Variants in CERK observed in about 807,000 individuals in gnomAD.
CERK encodes the protein acylsphingosine kinase.
Under a neutral mutation model 63.4 loss-of-function variants are expected in CERK, and 39 were observed. The observed-to-expected ratio is 0.61, with a 90% CI of 0.48 to 0.80. CERK has a LOEUF of 0.80. Among genes scored for constraint, CERK ranks in the 30% least tolerant of loss-of-function variants. The probability of loss-of-function intolerance (pLI) is 0.00; values close to 1 mark genes in which losing one functional copy is unlikely to be tolerated. For missense variants in CERK, 670 were observed against 714.1 expected (o/e 0.94, Z 0.70); for synonymous variants, 302 against 280.0 (o/e 1.08, Z -0.78).
Position 46,699,459 on chromosome 22 carries a change from G to A in CERK, c.797C>T (p.Ser266Leu), listed in dbSNP as rs1401180229. The change falls in exon 8 of 13, where the codon TCG becomes TTG. Residue 266 changes from serine to leucine, a missense_variant. Physicochemically the swap from Ser to Leu is moderately radical, Grantham distance 145. Coordinates refer to ENST00000216264, the MANE Select transcript of CERK (RefSeq NM_022766.6). ...GACTGAGGACACATCCATGGCCAGCGAGTCCCCTGTGGGAGAGAACGGCCG... is the reference window on the plus strand; with the variant it reads ...GACTGAGGACACATCCATGGCCAGCAAGTCCCCTGTGGGAGAGAACGGCCG... Reference protein sequence around the residue: ...TSALHIVVGDSLAMDVSSVHH... With the variant: ...TSALHIVVGDLLAMDVSSVHH... The A allele has an allele frequency of 9.9e-6, 16 of 1,613,980 alleles. 2 individuals are homozygous for A. Among genetic ancestry groups the A allele is most frequent in the Middle Eastern group, 3.3e-4 (2 of 6,082 alleles).
intron 8 of CERK, 107 bp from the exon 9 acceptor site, chr22:46,695,422 A>G (rs1003973903): frequency 1.6e-5 from 12 of 762,116 alleles, no homozygotes; most frequent in Non-Finnish European, 2.6e-5. Context: ...ATCTGCCTAA[A>G]CCGTCTGCAG....
chr22:46,715,776 T>C lies in CERK; in HGVS notation c.380-3483A>G, dbSNP rs576024180. ...AAAGATGAATTCCAAATGGATTACA[T>C]AGATCCAAATGTGAAGCGGAAAACA... On this transcript the variant is annotated intron_variant, in intron 3 of 12. Transcript: ENST00000216264. Among the ~76,000 whole-genome samples, 7 of 152,310 alleles carry C rather than the reference T, an allele frequency of 4.6e-5. No homozygotes were observed. In the South Asian group the frequency reaches 1.2e-3, roughly 27 times the overall value.
Position 46,738,125 on chromosome 22 carries a change from C to T in CERK, c.24G>A (p.Glu8=). The T allele has an allele frequency of 8.1e-7, 1 of 1,237,218 alleles. No homozygotes were observed. Among genetic ancestry groups the T allele is most frequent in the South Asian group, 2.3e-5 (1 of 42,720 alleles). The allele number at this position is 1,237,218 out of a possible 1,614,324, so 76.6% of individuals were successfully genotyped here. The change falls in exon 1 of 13, where the codon GAG becomes GAA. Residue 8 remains glutamate (E), a synonymous_variant. Coordinates refer to ENST00000216264, the MANE Select transcript of CERK (RefSeq NM_022766.6). MGATGAA[E]PLQSVLWVKQ... ...TCACCCACAGCACGGATTGCAGCGG[C>T]TCCGCCGCCCCCGTCGCCCCCATCT... is the stretch of plus-strand genomic sequence containing the variant.
chr22:46,691,060 C>T (rs1163881741), intron 11 of CERK, among the ~76,000 whole-genome samples: 3 of 149,608 alleles, frequency 2.0e-5, no homozygotes, highest in South Asian at 4.2e-4. Flanking sequence ...CATACATACA[C>T]ACACACACAC....
rs2082723087 is a variant in CERK, at chr22:46,690,128, C to A, written c.1405G>T (p.Asp469Tyr). Reference protein sequence around the residue: ...QFTSKHMEDEDSDLKEGGKKR... With the variant: ...QFTSKHMEDEYSDLKEGGKKR... Reference sequence around the variant, plus strand: ...TTCCCCCCCTCCTTGAGGTCGCTGTCCTCATCCTCCATGTGCTTCGACGTA... The same window carrying A: ...TTCCCCCCCTCCTTGAGGTCGCTGTACTCATCCTCCATGTGCTTCGACGTA... Residue 469 changes from aspartate to tyrosine, a missense_variant, in exon 12 of 13, where the codon GAC becomes TAC. By Grantham distance (160) the Asp-to-Tyr change is radical. Transcript: ENST00000216264. 6.2e-7 allele frequency: 1 copy of A among 1,614,080 alleles called. No individual in the cohort carries two copies. Among genetic ancestry groups the A allele is most frequent in the Non-Finnish European group, 8.5e-7 (1 of 1,180,010 alleles).
intron 1 of CERK, among the ~76,000 whole-genome samples, chr22:46,736,711 C>G (rs1173789817): frequency 6.6e-6 from 1 of 152,088 alleles, no homozygotes; most frequent in Non-Finnish European, 1.5e-5. Flanking sequence ...GATAGGTGAC[C>G]CCAGGGCTGG....
intron 6 of CERK, among the ~76,000 whole-genome samples, chr22:46,704,609 G>A (rs2082804042): frequency 6.6e-6 from 1 of 151,950 alleles, no homozygotes; most frequent in Non-Finnish European, 1.5e-5. Context: ...GGCAGATCAC[G>A]AGGTCAGGAG....
intron 5 of CERK, among the ~76,000 whole-genome samples, chr22:46,708,640 G>A (rs551030298): frequency 4.6e-5 from 7 of 152,192 alleles, no homozygotes; most frequent in African/African-American, 1.4e-4. Context: ...GAGAAAGGAC[G>A]GGTTGGTTTC....
intron 3 of CERK, among the ~76,000 whole-genome samples, chr22:46,713,528 A>C (rs1211360706): frequency 1.4e-5 from 2 of 146,228 alleles, no homozygotes; most frequent in African/African-American, 5.3e-5. Context: ...AAAAAAAAAA[A>C]ACAAACAAAC....
intron 5 of CERK, among the ~76,000 whole-genome samples, chr22:46,708,559 T>A (rs2082825211): frequency 6.6e-6 from 1 of 152,114 alleles, no homozygotes; most frequent in African/African-American, 2.4e-5. Flanking sequence ...GGGGACGGAA[T>A]AAATGCGGAC....
chr22:46,731,468 C>T (rs2082945056), intron 1 of CERK, among the ~76,000 whole-genome samples: 1 of 152,236 alleles, frequency 6.6e-6, no homozygotes, highest in African/African-American at 2.4e-5. Context: ...TGGGCTTCCA[C>T]CCCCACCTGG....
chr22:46,724,314 T>A (rs1036848509), intron 1 of CERK, among the ~76,000 whole-genome samples: 1 of 152,262 alleles, frequency 6.6e-6, no homozygotes, highest in African/African-American at 2.4e-5. Context: ...ATCGGCTATT[T>A]ACATTATCGC....
intron 6 of CERK, among the ~76,000 whole-genome samples, chr22:46,702,177 C>CAAAAAAAAA (rs135690): frequency 1.2e-5 from 1 of 84,154 alleles, no homozygotes; most frequent in Non-Finnish European, 2.1e-5. Flanking sequence ...GACTTCGTCT[C>CAAAAAAAAA]AAAAAAAAAA....
Position 46,733,709 on chromosome 22 carries a change from T to C in CERK, c.142+4298A>G, listed in dbSNP as rs544541064. 5.3e-5 allele frequency among the ~76,000 whole-genome samples: 8 copies of C among 152,266 alleles called. No homozygotes were observed. The East Asian group carries it at 1.5e-3, about 29-fold the overall frequency. On this transcript the variant is annotated intron_variant, in intron 1 of 12. Coordinates refer to ENST00000216264, the MANE Select transcript of CERK (RefSeq NM_022766.6). Reference sequence around the variant, plus strand: ...GATTCCATCTTGGTTAGGAGAGCCTTTTCCCATTCCAATATTATAAACTGT... The same window carrying C: ...GATTCCATCTTGGTTAGGAGAGCCTCTTCCCATTCCAATATTATAAACTGT...
chr22:46,687,175 G>A lies in CERK; in HGVS notation c.1573C>T (p.Arg525Ter), dbSNP rs749494651. ...VHCQLVRLFA[R>*]GIEENPKPDS... ...GGCTTCGGATTCTCTTCAATTCCTC[G>A]TGCAAAGAGTCGAACCAGCTGGCAG... Residue 525 changes from arginine to a stop codon, truncating the protein, a stop_gained, in exon 13 of 13, where the codon CGA (arginine) becomes TGA (stop). Transcript: ENST00000216264. LOFTEE classifies it high-confidence loss of function. 1.7e-5 allele frequency: 28 copies of A among 1,613,966 alleles called. No homozygotes were observed. Among genetic ancestry groups the A allele is most frequent in the East Asian group, 2.2e-5 (1 of 44,900 alleles).
Position 46,720,995 on chromosome 22 carries a change from A to G in CERK, c.163T>C (p.Ser55Pro), listed in dbSNP as rs1473921550. The G allele has an allele frequency of 6.2e-7, 1 of 1,613,116 alleles. No homozygotes were observed. The highest frequency in any genetic ancestry group is 2.2e-5 in the East Asian group (1 of 44,870). Reference sequence around the variant, plus strand: ...GTTTCCTCAACGGCGATGATCTCAGATACAGGCACAGAGCAGGCATCTGTA... The same window carrying G: ...GTTTCCTCAACGGCGATGATCTCAGGTACAGGCACAGAGCAGGCATCTGTA... ...PGADACSVPV[S>P]EIIAVEETDV... The change falls in exon 2 of 13, where the codon TCT (serine) becomes CCT (proline). Residue 55 changes from serine (S) to proline (P), a missense_variant. Ser to Pro is a moderately conservative substitution (Grantham distance 74, BLOSUM62 -1). Transcript: ENST00000216264.
At chr22:46,708,735 C>T (rs1443986312) in intron 5 of CERK, among the ~76,000 whole-genome samples, 1 of 152,180 alleles carries the variant, frequency 6.6e-6, no homozygotes, top group Non-Finnish European at 1.5e-5. Context: ...TGGAGACAGA[C>T]ATGTCACTGC....
intron 1 of CERK, among the ~76,000 whole-genome samples, chr22:46,733,445 C>A (rs903091438): frequency 6.6e-6 from 1 of 150,880 alleles, no homozygotes; most frequent in Non-Finnish European, 1.5e-5. Flanking sequence ...AGGCGCACGC[C>A]AACATGCCTG....
At position 46,686,925 on chromosome 22, in the gene CERK, C is replaced by T. The variant is rs539967584; in HGVS notation, c.*209G>A. 1.1e-5 allele frequency: 6 copies of T among 535,048 alleles called. No homozygotes were observed. The East Asian group carries it at 1.5e-4, about 14-fold the overall frequency. The allele number at this position is 535,048 out of a possible 1,614,324, so 33.1% of individuals were successfully genotyped here. On this transcript the variant is annotated 3_prime_UTR_variant, in exon 13 of 13. Transcript: ENST00000216264. ...AGCTGCATCCGCTGAGAGTAAGCGG[C>T]GTGGGCTGCAACCCGCAGATGCGTA...
Sources: allele counts gnomAD v4.1 joint callset (sites outside exome capture counted in the v4.1 genomes callset), GRCh38; gene constraint gnomAD v4.1.1; transcripts MANE v1.5; gene names NCBI Gene and HGNC (gene_info 2026-07-23, HGNC 2026-07-21).